ZNF304: variants seen among roughly 807,000 people sequenced by gnomAD.
The protein encoded by ZNF304 is KRAB-containing zinc finger protein.
ZNF304 carries 7 observed loss-of-function variants against 7.8 expected under a neutral mutation model. The observed-to-expected ratio is 0.90, with a 90% CI of 0.51 to 1.69. The LOEUF (loss-of-function observed/expected upper bound fraction) is 1.69, where lower values mean the gene tolerates loss of function less well. Among genes scored for constraint, ZNF304 ranks in the 40% most tolerant of loss-of-function variants. The pLI is 0.00. For missense variants in ZNF304, 669 were observed against 804.8 expected, an observed-to-expected ratio of 0.83 and a Z score of 2.04; for synonymous variants, 280 against 272.4, an observed-to-expected ratio of 1.03 and a Z score of -0.27.
rs2088342152 is a variant in ZNF304, at chr19:57,356,480, T to C, written c.611T>C (p.Phe204Ser). The change falls in exon 3 of 3, where the codon TTC becomes TCC. Residue 204 changes from phenylalanine to serine, a missense_variant. Phe to Ser is a radical substitution (Grantham distance 155, BLOSUM62 -2). Coordinates refer to ENST00000282286, the MANE Select transcript of ZNF304 (RefSeq NM_020657.4). Reference sequence around the variant, plus strand: ...AGAAGGACTGAATGCATGGAGTCTTTCCCACACAGCTCCAGTCTCAGGCAA... The same window carrying C: ...AGAAGGACTGAATGCATGGAGTCTTCCCCACACAGCTCCAGTCTCAGGCAA... ...PCRRTECMES[F>S]PHSSSLRQHQ... 3 of 1,614,020 alleles carry C rather than the reference T, an allele frequency of 1.9e-6. No individual in the cohort carries two copies. Among genetic ancestry groups the C allele is most frequent in the Admixed American group, 1.7e-5 (1 of 59,998 alleles).
At position 57,355,168 on chromosome 19, in the gene ZNF304, G is replaced by T. The variant is rs2088318837; in HGVS notation, c.161-862G>T. On this transcript the variant is annotated intron_variant, in intron 2 of 2. Coordinates refer to ENST00000282286, the MANE Select transcript of ZNF304 (RefSeq NM_020657.4). The stretch of plus-strand genomic sequence containing the variant: ...CACTTCTTGTGGTGATTACAGGGCT[G>T]TCCTGGTACATCCGCCTTGGAGAGT... 7 of 697,042 alleles carry T rather than the reference G, an allele frequency of 1.0e-5. No individual in the cohort carries two copies. The East Asian group carries it at 1.9e-4, about 19-fold the overall frequency. The allele number at this position is 697,042 out of a possible 1,614,324, so 43.2% of individuals were successfully genotyped here.
At chr19:57,352,490 A>C (rs770310453) in intron 1 of ZNF304, among the ~76,000 whole-genome samples, 1 of 152,164 alleles carries the variant, frequency 6.6e-6, no homozygotes, top group Non-Finnish European at 1.5e-5. Context: ...GCGCTCAGGG[A>C]ATCTCAGGTC....
rs112059698 is a variant in ZNF304 at position 57,358,236 on chromosome 19, T to TCCCC, written c.*396_*399dup. On this transcript the variant is annotated 3_prime_UTR_variant, in exon 3 of 3. Transcript: ENST00000282286. The stretch of plus-strand genomic sequence containing the variant: ...GTAATCATGAATATTTTCAAGGACT[T>TCCCC]CCCCCCCCCCCCACTTCACCCCCTA... The TCCCC allele has an allele frequency of 6.5e-5, 7 of 107,716 alleles. No individual in the cohort carries two copies. The highest frequency in any genetic ancestry group is 1.8e-4 in the African/African-American group (5 of 27,086). 6.7% of individuals were successfully genotyped at this position (107,716 alleles called of 1,614,324 possible). A position where few individuals can be genotyped will look rare whatever the true frequency, so the allele number is the denominator to read the frequency against.
intron 2 of ZNF304, 83 bp from the exon 3 acceptor site, chr19:57,355,947 T>G: frequency 6.8e-7 from 1 of 1,465,198 alleles, no homozygotes. Flanking sequence ...GGACTCGCAC[T>G]GGTGTTAGAC....
At chr19:57,353,183 G>C (rs952282094) in intron 1 of ZNF304, among the ~76,000 whole-genome samples, 1 of 152,222 alleles carries the variant, frequency 6.6e-6, no homozygotes, top group Admixed American at 6.5e-5. Flanking sequence ...GGCAGTGGTG[G>C]ATAGTGTGAA....
Position 57,356,400 on chromosome 19 carries a change from A to G in ZNF304, c.531A>G (p.Pro177=). Residue 177 remains proline (P), a synonymous_variant, in exon 3 of 3, where the codon CCA becomes CCG. Coordinates refer to ENST00000282286, the MANE Select transcript of ZNF304 (RefSeq NM_020657.4). ...FTCREEGMDL[P]DSSGLFQHQT... is the part of the protein sequence containing the mutation. ...GCAGGGAGGAAGGGATGGACTTACCAGATAGCTCTGGCCTTTTCCAGCACC... is the reference window on the plus strand; with the variant it reads ...GCAGGGAGGAAGGGATGGACTTACCGGATAGCTCTGGCCTTTTCCAGCACC... 6.2e-7 allele frequency: 1 copy of G among 1,614,216 alleles called. No individual in the cohort carries two copies. Among genetic ancestry groups the G allele is most frequent in the Non-Finnish European group, 8.5e-7 (1 of 1,180,042 alleles).
At position 57,358,208 on chromosome 19, in the gene ZNF304, C is replaced by T. The variant is rs2088374153; in HGVS notation, c.*359C>T. 1 of 186,164 alleles carries T rather than the reference C, an allele frequency of 5.4e-6. No homozygotes were observed. The highest frequency in any genetic ancestry group is 1.1e-5 in the Non-Finnish European group (1 of 89,978). 11.5% of individuals were successfully genotyped at this position (186,164 alleles called of 1,614,324 possible). ...TCTGTGCTTTCTTTCCTGTTCCCTA[C>T]AGGTAATCATGAATATTTTCAAGGA... On this transcript the variant is annotated 3_prime_UTR_variant, in exon 3 of 3. Transcript: ENST00000282286.
At position 57,351,466 on chromosome 19, in the gene ZNF304, G is replaced by A. The variant is rs912615463; in HGVS notation, c.-199G>A. The A allele has an allele frequency of 4.9e-6, 3 of 616,396 alleles. No homozygotes were observed. The highest frequency in any genetic ancestry group is 1.9e-5 in the African/African-American group (1 of 53,402). The allele number at this position is 616,396 out of a possible 1,614,324, so 38.2% of individuals were successfully genotyped here. A position where few individuals can be genotyped will look rare whatever the true frequency, so the allele number is the denominator to read the frequency against. ...GGCCTCTCGCGGAGGTGTCTGCCGG[G>A]GCTGGGCTCTTACCGAGGCCTCCAC... On this transcript the variant is annotated 5_prime_UTR_variant, in exon 1 of 3. Coordinates refer to ENST00000282286, the MANE Select transcript of ZNF304 (RefSeq NM_020657.4). The surrounding 1 kb of genome is among the most constrained non-coding windows in gnomAD (Gnocchi z 4.1).
Position 57,356,701 on chromosome 19 carries a change from T to C in ZNF304, c.832T>C (p.Ser278Pro). Residue 278 changes from serine to proline, a missense_variant, in exon 3 of 3, where the codon TCT becomes CCT. Coordinates refer to ENST00000282286, the MANE Select transcript of ZNF304 (RefSeq NM_020657.4). ...CAGAAAAATCCACAGTGGAGAAATA[T>C]CTCATGTGTGTAAGGAGTGTGGAAA... ...NHRKIHSGEI[S>P]HVCKECGKAF... 6.2e-7 allele frequency: 1 copy of C among 1,614,208 alleles called. No individual in the cohort carries two copies. The highest frequency in any genetic ancestry group is 8.5e-7 in the Non-Finnish European group (1 of 1,180,032).
Position 57,357,684 on chromosome 19 carries a change from C to A in ZNF304, c.1815C>A (p.His605Gln). 6.2e-7 allele frequency: 1 copy of A among 1,614,164 alleles called. No homozygotes were observed. Among genetic ancestry groups the A allele is most frequent in the Non-Finnish European group, 8.5e-7 (1 of 1,180,014 alleles). The change falls in exon 3 of 3, where the codon CAC (histidine) becomes CAA (glutamine). Residue 605 changes from histidine to glutamine, a missense_variant. Physicochemically the swap from His to Gln is conservative, Grantham distance 24. Transcript: ENST00000282286. ...FFSRNSGLIL[H>Q]QRVHTGEKPY... ...GCCGCAACTCTGGCCTCATTCTGCA[C>A]CAGAGGGTTCACACTGGAGAAAAGC...
In ZNF304 at chr19:57,356,521, G is replaced by A. The variant is rs147228440; in HGVS notation, c.652G>A (p.Asp218Asn). 1.6e-4 allele frequency: 256 copies of A among 1,614,198 alleles called. No homozygotes were observed. The African/African-American group carries it at 3.2e-3, about 20-fold the overall frequency. Residue 218 changes from aspartate to asparagine, a missense_variant, in exon 3 of 3, where the codon GAT becomes AAT. Coordinates refer to ENST00000282286, the MANE Select transcript of ZNF304 (RefSeq NM_020657.4). ...SSLRQHQGDY[D>N]GQMLFSCGDE... ...TCTCAGGCAACACCAAGGAGACTAT[G>A]ATGGACAGATGCTTTTCAGTTGCGG...
chr19:57,357,497 A>T lies in ZNF304; in HGVS notation c.1628A>T (p.Asn543Ile). 6.2e-7 allele frequency: 1 copy of T among 1,612,884 alleles called. No individual in the cohort carries two copies. The highest frequency in any genetic ancestry group is 2.2e-5 in the East Asian group (1 of 44,846). Residue 543 changes from asparagine to isoleucine, a missense_variant, in exon 3 of 3, where the codon AAC (asparagine) becomes ATC (isoleucine). Coordinates refer to ENST00000282286, the MANE Select transcript of ZNF304 (RefSeq NM_020657.4). ...GAATGTGGGAAATGCTTTAGCCACA[A>T]CTCCAGCCTCATTTTGCACCAGAGA... ...CNECGKCFSH[N>I]SSLILHQRVH...
chr19:57,353,055 G>A (rs1245277387), intron 1 of ZNF304, among the ~76,000 whole-genome samples: 1 of 152,180 alleles, frequency 6.6e-6, no homozygotes, highest in Non-Finnish European at 1.5e-5. Context: ...AAAAATGGTG[G>A]CCAGTGTGTG....
chr19:57,357,302 G>A lies in ZNF304; in HGVS notation c.1433G>A (p.Ser478Asn). ...ACTGGAGCAAGGCCTTATGAGTGCA[G>A]TGAATGTGGGAAGGCCTTCAGCCGT... Reference protein sequence around the residue: ...IHTGARPYECSECGKAFSRKD... With the variant: ...IHTGARPYECNECGKAFSRKD... The change falls in exon 3 of 3, where the codon AGT (serine) becomes AAT (asparagine). Residue 478 changes from serine (S) to asparagine (N), a missense_variant. Physicochemically the swap from Ser to Asn is conservative, Grantham distance 46. Coordinates refer to ENST00000282286, the MANE Select transcript of ZNF304 (RefSeq NM_020657.4). 6.2e-7 allele frequency: 1 copy of A among 1,613,934 alleles called. No individual in the cohort carries two copies. The highest frequency in any genetic ancestry group is 8.5e-7 in the Non-Finnish European group (1 of 1,179,964).
chr19:57,353,965 T>G (rs2088306022), intron 2 of ZNF304, 114 bp downstream of exon 2: 1 of 878,178 alleles, frequency 1.1e-6, no homozygotes. Flanking sequence ...GTAATCTGGT[T>G]AGAGCATTTT....
In ZNF304 at chr19:57,357,717, A is replaced by T; in HGVS notation, c.1848A>T (p.Val616=). 2 of 1,614,076 alleles carry T rather than the reference A, an allele frequency of 1.2e-6. No individual in the cohort carries two copies. The highest frequency in any genetic ancestry group is 2.7e-5 in the African/African-American group (2 of 75,002). The change falls in exon 3 of 3, where the codon GTA becomes GTT. Residue 616 remains valine (V), a synonymous_variant. Coordinates refer to ENST00000282286, the MANE Select transcript of ZNF304 (RefSeq NM_020657.4). Reference sequence around the variant, plus strand: ...TTCACACTGGAGAAAAGCCTTACGTATGCAGCGAATGTGGGAAAGCCTATA... The same window carrying T: ...TTCACACTGGAGAAAAGCCTTACGTTTGCAGCGAATGTGGGAAAGCCTATA... ...QRVHTGEKPY[V]CSECGKAYSR...
At position 57,356,466 on chromosome 19, in the gene ZNF304, A is replaced by G. The variant is rs768648957; in HGVS notation, c.597A>G (p.Glu199=). 4 of 1,614,138 alleles carry G rather than the reference A, an allele frequency of 2.5e-6. No individual in the cohort carries two copies. Among genetic ancestry groups the G allele is most frequent in the Non-Finnish European group, 3.4e-6 (4 of 1,179,978 alleles). Residue 199 remains glutamate, a synonymous_variant, in exon 3 of 3, where the codon GAA becomes GAG. Transcript: ENST00000282286. ...GGGTGAGTCCATGCAGAAGGACTGA[A>G]TGCATGGAGTCTTTCCCACACAGCT... ...YNRVSPCRRT[E]CMESFPHSSS...
In ZNF304 at chr19:57,351,887, G is replaced by A; in HGVS notation, c.33+190G>A. The A allele has an allele frequency of 1.7e-6, 1 of 578,128 alleles. No homozygotes were observed. Among genetic ancestry groups the A allele is most frequent in the South Asian group, 2.2e-5 (1 of 44,458 alleles). The allele number at this position is 578,128 out of a possible 1,614,324, so 35.8% of individuals were successfully genotyped here. ...CAGTTCGTACAAATGCATGCATGGA[G>A]AGGAGAATGAGTTTGGGGAGTTCCG... On this transcript the variant is annotated intron_variant, in intron 1 of 2. Coordinates refer to ENST00000282286, the MANE Select transcript of ZNF304 (RefSeq NM_020657.4). This position sits in a 1 kb window ranked among gnomAD's most constrained non-coding sequence, Gnocchi z 4.1.
In ZNF304 at chr19:57,352,044, C is replaced by T. The variant is rs1600064149; in HGVS notation, c.33+347C>T. 2.9e-5 allele frequency: 8 copies of T among 276,400 alleles called. No homozygotes were observed. The East Asian group carries it at 5.3e-4, about 18-fold the overall frequency. 17.1% of individuals were successfully genotyped at this position (276,400 alleles called of 1,614,324 possible). The stretch of plus-strand genomic sequence containing the variant: ...AAGGTTTGGTACAGAGAAGGGAGGT[C>T]CTCTGACGCAGTTCTTAAAAGGCTC... On this transcript the variant is annotated intron_variant, in intron 1 of 2. Coordinates refer to ENST00000282286, the MANE Select transcript of ZNF304 (RefSeq NM_020657.4).
Sources: gnomAD v4.1 joint callset for allele counts (sites outside exome capture counted in the v4.1 genomes callset) on GRCh38, gnomAD v4.1.1 for gene constraint, Gnocchi (gnomAD v3.1) non-coding constraint, MANE v1.5 for transcripts, NCBI Gene and HGNC (gene_info 2026-07-23, HGNC 2026-07-21) for gene names.